The following GPC5 variants were observed in gnomAD, a reference collection of about 807,000 sequenced individuals.
The protein encoded by GPC5 is glypican 5.
Under a neutral mutation model 53.9 loss-of-function variants are expected in GPC5, and 47 were observed. The ratio of observed to expected loss-of-function variants is 0.87; its 90% CI spans 0.69 to 1.11. The LOEUF (loss-of-function observed/expected upper bound fraction) is 1.11. Among genes scored for constraint, GPC5 ranks in the 50% most tolerant of loss-of-function variants. GPC5 has a pLI of 0.00. For synonymous variants in GPC5, 286 were observed against 263.3 expected, an observed-to-expected ratio of 1.09 and a Z score of -0.84; for missense variants, 748 against 713.1, an observed-to-expected ratio of 1.05 and a Z score of -0.56.
At chr13:92,115,452 G>A (rs939964738) in intron 6 of GPC5, among the ~76,000 whole-genome samples, 1 of 152,144 alleles carries the variant, frequency 6.6e-6, no homozygotes, top group African/African-American at 2.4e-5. Flanking sequence ...GTTGCAGTGA[G>A]CTGAGGTTGG....
intron 5 of GPC5, among the ~76,000 whole-genome samples, chr13:91,844,412 G>C (rs574333315): frequency 1.3e-5 from 2 of 152,262 alleles, no homozygotes; most frequent in African/African-American, 4.8e-5. Flanking sequence ...ACAAGGAGGG[G>C]AACAAGATCA....
Position 91,607,808 on chromosome 13 carries a change from C to T in GPC5, c.326-85379C>T, listed in dbSNP as rs189902367. ...TTCCCTAACATTTGTATACTAAAAGCATGTAATAAATTAAGGCGTGGACCT... is the reference window on the plus strand; with the variant it reads ...TTCCCTAACATTTGTATACTAAAAGTATGTAATAAATTAAGGCGTGGACCT... On this transcript the variant is annotated intron_variant, in intron 2 of 7. Coordinates refer to ENST00000377067, the MANE Select transcript of GPC5 (RefSeq NM_004466.6). Among the ~76,000 whole-genome samples the T allele has an allele frequency of 2.0e-3, 299 of 152,224 alleles. 2 individuals are homozygous for T. The highest frequency in any genetic ancestry group is 6.9e-3 in the African/African-American group (287 of 41,536).
At chr13:92,247,648 A>G (rs1028753347) in intron 7 of GPC5, among the ~76,000 whole-genome samples, 2 of 152,146 alleles carry the variant, frequency 1.3e-5, no homozygotes, top group Non-Finnish European at 2.9e-5. Flanking sequence ...CTTAAGATGG[A>G]GTCAAATAAT....
chr13:92,143,679 GTTTAAT>G (rs1194740608), intron 6 of GPC5, among the ~76,000 whole-genome samples: 1 of 152,130 alleles, frequency 6.6e-6, no homozygotes, highest in Non-Finnish European at 1.5e-5. Context: ...AATTTGTACT[GTTTAAT>G]TTTAAAAGTT....
intron 7 of GPC5, among the ~76,000 whole-genome samples, chr13:92,802,127 C>T (rs1424894484): frequency 6.6e-6 from 1 of 151,802 alleles, no homozygotes. Flanking sequence ...GTGCCCTACA[C>T]AGGTGTACCA....
At chr13:92,766,461 C>G (rs1875409953) in intron 7 of GPC5, among the ~76,000 whole-genome samples, 2 of 152,192 alleles carry the variant, frequency 1.3e-5, no homozygotes, top group African/African-American at 4.8e-5. Flanking sequence ...GATGTAGTGT[C>G]TATCACCAAT....
At chr13:92,093,552 AAAC>A (rs2041397761) in intron 6 of GPC5, among the ~76,000 whole-genome samples, 1 of 152,222 alleles carries the variant, frequency 6.6e-6, no homozygotes, top group Admixed American at 6.5e-5. Context: ...ACAGAAAATA[AAAC>A]AACTCTAGAT....
chr13:92,537,191 T>A (rs1881752998), intron 7 of GPC5, among the ~76,000 whole-genome samples: 1 of 152,156 alleles, frequency 6.6e-6, no homozygotes, highest in Non-Finnish European at 1.5e-5. Context: ...TATTTCAAAG[T>A]TAAAAATTAA....
intron 2 of GPC5, among the ~76,000 whole-genome samples, chr13:91,594,985 CATTTATTTATTTATTT>C (rs60740693): frequency 0.023 from 3,145 of 137,552 alleles, 97 homozygotes; most frequent in African/African-American, 0.073. Flanking sequence ...TTTTTATTTA[CATTTATTTATTTATTT>C]ATTTATTTAT....
At chr13:92,200,497 G>A (rs2042286577) in intron 7 of GPC5, among the ~76,000 whole-genome samples, 1 of 152,092 alleles carries the variant, frequency 6.6e-6, no homozygotes, top group Non-Finnish European at 1.5e-5. Flanking sequence ...AACTATACAA[G>A]GCCTCAATAA....
intron 7 of GPC5, among the ~76,000 whole-genome samples, chr13:92,376,886 C>T (rs988526670): frequency 2.0e-5 from 3 of 152,010 alleles, no homozygotes; most frequent in Non-Finnish European, 2.9e-5. Flanking sequence ...CATGGTGGCA[C>T]ATGCCTGTAA....
intron 2 of GPC5, among the ~76,000 whole-genome samples, chr13:91,569,940 A>C (rs557518074): frequency 5.9e-5 from 9 of 152,260 alleles, no homozygotes; most frequent in African/African-American, 2.2e-4. Flanking sequence ...TAAATTACCC[A>C]TTCTCATGTA....
intron 6 of GPC5, among the ~76,000 whole-genome samples, chr13:91,914,943 A>C (rs1238640236): frequency 6.6e-6 from 1 of 152,190 alleles, no homozygotes; most frequent in Non-Finnish European, 1.5e-5. Flanking sequence ...AGTTAATCAT[A>C]ATTGATTGGT....
intron 7 of GPC5, among the ~76,000 whole-genome samples, chr13:92,466,853 A>G (rs1878711101): frequency 6.6e-6 from 1 of 152,146 alleles, no homozygotes; most frequent in Admixed American, 6.6e-5. Flanking sequence ...AGTGAATATC[A>G]AACAATCCCG....
At chr13:92,673,738 C>T (rs569690704) in intron 7 of GPC5, among the ~76,000 whole-genome samples, 8 of 152,074 alleles carry the variant, frequency 5.3e-5, no homozygotes, top group Non-Finnish European at 1.0e-4. Context: ...TTTATTAATT[C>T]TTCTAAAATC....
chr13:91,577,145 C>T (rs1279202253), intron 2 of GPC5, among the ~76,000 whole-genome samples: 3 of 152,148 alleles, frequency 2.0e-5, no homozygotes, highest in African/African-American at 7.2e-5. Flanking sequence ...TATATGGATT[C>T]TCCTGCCATA....
At chr13:91,503,702 C>T (rs146541012) in intron 2 of GPC5, among the ~76,000 whole-genome samples, 1,998 of 150,798 alleles carry the variant, frequency 0.013, 27 homozygotes, top group Admixed American at 0.022. Flanking sequence ...ATTGCTTGAA[C>T]CAGGGAGTTG....
intron 7 of GPC5, among the ~76,000 whole-genome samples, chr13:92,279,242 C>T (rs933929709): frequency 6.6e-6 from 1 of 152,036 alleles, no homozygotes; most frequent in Non-Finnish European, 1.5e-5. Flanking sequence ...TGCACTTCCT[C>T]ATCTTACTTC....
chr13:91,596,782 G>C (rs945231702), intron 2 of GPC5, among the ~76,000 whole-genome samples: 1 of 152,134 alleles, frequency 6.6e-6, no homozygotes, highest in East Asian at 1.9e-4. Flanking sequence ...TCCCAGTGTT[G>C]CTGGTAGGGA....
Sources: gnomAD v4.1 joint callset for allele counts (sites outside exome capture counted in the v4.1 genomes callset) on GRCh38, gnomAD v4.1.1 for gene constraint, MANE v1.5 for transcripts, NCBI Gene and HGNC (gene_info 2026-07-23, HGNC 2026-07-21) for gene names.